The following SCG3 variants were observed in gnomAD, a reference collection of about 807,000 sequenced individuals.
The protein encoded by SCG3 is secretogranin III, also known as secretogranin-3.
In SCG3, 38 loss-of-function variants were observed where a neutral mutation model predicts 56.2. The observed-to-expected ratio is 0.68, with a 90% CI of 0.52 to 0.89. The LOEUF is 0.89. Among genes scored for constraint, SCG3 ranks in the 40% least tolerant of loss-of-function variants. SCG3 has a pLI of 0.00. For missense variants in SCG3, 524 were observed against 540.7 expected (o/e 0.97, Z 0.31); for synonymous variants, 176 against 184.2 (o/e 0.96, Z 0.36).
At chr15:51,689,175 A>T in intron 5 of SCG3, 44 bp from the exon 6 acceptor site, 1 of 1,581,882 alleles carries the variant, frequency 6.3e-7, no homozygotes, top group Non-Finnish European at 8.6e-7. Flanking sequence ...TAATAACAAG[A>T]CTGGGAATAT....
At chr15:51,706,413 A>T (rs938504842) in intron 10 of SCG3, among the ~76,000 whole-genome samples, 11 of 152,210 alleles carry the variant, frequency 7.2e-5, no homozygotes, top group Non-Finnish European at 1.5e-4. Flanking sequence ...ATGCACACAT[A>T]TCCCGCTTGT....
intron 11 of SCG3, among the ~76,000 whole-genome samples, chr15:51,716,635 G>T (rs963138700): frequency 6.6e-6 from 1 of 152,176 alleles, no homozygotes; most frequent in Non-Finnish European, 1.5e-5. Context: ...GCTTTCTCCT[G>T]TTCTCTCACT....
At chr15:51,717,548 G>A (rs76222515) in intron 11 of SCG3, among the ~76,000 whole-genome samples, 9 of 149,240 alleles carry the variant, frequency 6.0e-5, no homozygotes, top group Non-Finnish European at 7.4e-5. Context: ...AAGAAAAAAA[G>A]AAAAAAAAAG....
intron 10 of SCG3, among the ~76,000 whole-genome samples, chr15:51,708,613 T>C (rs2055390749): frequency 6.6e-6 from 1 of 152,152 alleles, no homozygotes; most frequent in South Asian, 2.1e-4. Context: ...CCCAGCACTT[T>C]GGGTGGCCGA....
intron 11 of SCG3, among the ~76,000 whole-genome samples, chr15:51,715,634 A>G (rs1023009669): frequency 1.3e-5 from 2 of 152,172 alleles, no homozygotes; most frequent in Non-Finnish European, 2.9e-5. Context: ...ACTTCTTTTA[A>G]GGTTAGCAAG....
chr15:51,699,436 A>G (rs1233142209), intron 9 of SCG3, 34 bp downstream of exon 9: 3 of 1,320,882 alleles, frequency 2.3e-6, no homozygotes, highest in Middle Eastern at 1.9e-4. Flanking sequence ...TAGCCTTTAG[A>G]ATAATAACCC....
At position 51,703,778 on chromosome 15, in the gene SCG3, T is replaced by C. The variant is rs1385814757; in HGVS notation, c.1207+2534T>C. Among the ~76,000 whole-genome samples the C allele has an allele frequency of 2.0e-5, 3 of 152,146 alleles. No individual in the cohort carries two copies. The East Asian group carries it at 5.8e-4, about 29-fold the overall frequency. The stretch of plus-strand genomic sequence containing the variant: ...ACTTTTTTGAGACAGGGCTGAAAAA[T>C]ATAATTTTTCCTTAATGTATCAAGT... On this transcript the variant is annotated intron_variant, in intron 10 of 11. Transcript: ENST00000220478.
chr15:51,689,797 T>C (rs2055255167), intron 6 of SCG3, among the ~76,000 whole-genome samples: 1 of 151,716 alleles, frequency 6.6e-6, no homozygotes, highest in South Asian at 2.1e-4. Context: ...AAAAAATTAA[T>C]TAATTAATTA....
At chr15:51,703,546 T>C (rs2055351789) in intron 10 of SCG3, among the ~76,000 whole-genome samples, 1 of 152,198 alleles carries the variant, frequency 6.6e-6, no homozygotes, top group Non-Finnish European at 1.5e-5. Flanking sequence ...TTTTAGTACA[T>C]CATCATTGCT....
In SCG3 at chr15:51,699,329, T is replaced by C; in HGVS notation, c.996T>C (p.Asp332=). ...EEGVSYLENL[D]EMIALQTKNK... ...CCTTCCTCCCTCCAGAAAACTTGGA[T>C]GAAATGATTGCTCTTCAGACCAAAA... The change falls in exon 9 of 12, where the codon GAT becomes GAC. Residue 332 remains aspartate (D), a synonymous_variant. Transcript: ENST00000220478. 1 of 1,604,072 alleles carries C rather than the reference T, an allele frequency of 6.2e-7. No homozygotes were observed. The highest frequency in any genetic ancestry group is 8.5e-7 in the Non-Finnish European group (1 of 1,177,050).
chr15:51,699,578 C>A (rs1426429802), intron 9 of SCG3, among the ~76,000 whole-genome samples, 176 bp downstream of exon 9: 1 of 152,066 alleles, frequency 6.6e-6, no homozygotes, highest in Non-Finnish European at 1.5e-5. Flanking sequence ...CCAATCACAG[C>A]ACATAAATCT....
intron 1 of SCG3, among the ~76,000 whole-genome samples, chr15:51,682,047 G>GCTTAAAGATCTTA (rs1282461112): frequency 2.6e-5 from 4 of 152,102 alleles, no homozygotes; most frequent in Non-Finnish European, 5.9e-5. Context: ...AATATGGGTT[G>GCTTAAAGATCTTA]TTTTTAAAGA....
At chr15:51,690,307 G>A (rs2055258461) in intron 6 of SCG3, among the ~76,000 whole-genome samples, 1 of 152,056 alleles carries the variant, frequency 6.6e-6, no homozygotes, top group Non-Finnish European at 1.5e-5. Flanking sequence ...CCAAGCTGTT[G>A]AGATCTTTCT....
chr15:51,683,022 T>G, intron 2 of SCG3, 57 bp from the exon 3 acceptor site: 1 of 1,379,016 alleles, frequency 7.3e-7, no homozygotes, highest in Non-Finnish European at 1.0e-6. Flanking sequence ...GCTCTTGTAC[T>G]TGGTAAGTAG....
Position 51,719,555 on chromosome 15 carries a change from A to G in SCG3, c.*29A>G. 6.8e-7 allele frequency: 1 copy of G among 1,460,466 alleles called. No homozygotes were observed. Among genetic ancestry groups the G allele is most frequent in the African/African-American group, 1.4e-5 (1 of 71,434 alleles). The allele number at this position is 1,460,466 out of a possible 1,614,324, so 90.5% of individuals were successfully genotyped here. ...TGGCAAAAGATCCAGGAGTCTTTCA[A>G]CTGTTTCAGAAAACATAATATAGCT... On this transcript the variant is annotated 3_prime_UTR_variant, in exon 12 of 12. Coordinates refer to ENST00000220478, the MANE Select transcript of SCG3 (RefSeq NM_013243.4).
chr15:51,705,558 A>G (rs1413458416), intron 10 of SCG3, among the ~76,000 whole-genome samples: 2 of 149,446 alleles, frequency 1.3e-5, no homozygotes, highest in Non-Finnish European at 3.0e-5. Context: ...GTCTCTATCT[A>G]TCTCCCAGGT....
At position 51,701,125 on chromosome 15, in the gene SCG3, A is replaced by T. The variant is rs1427522401; in HGVS notation, c.1088A>T (p.His363Leu). 4.3e-6 allele frequency: 7 copies of T among 1,613,888 alleles called. No individual in the cohort carries two copies. In the South Asian group the frequency reaches 7.7e-5, roughly 18 times the overall value. Residue 363 changes from histidine to leucine, a missense_variant, in exon 10 of 12, where the codon CAT (histidine) becomes CTT (leucine). By Grantham distance (99) the His-to-Leu change is moderately conservative. Coordinates refer to ENST00000220478, the MANE Select transcript of SCG3 (RefSeq NM_013243.4). ...ATTACAGCACCATCAGAGAAGAGTC[A>T]TGAAGAAACAGACAGTACCAAGGAA... ...KLFPAPSEKS[H>L]EETDSTKEEA...
At chr15:51,698,310 G>A (rs2055317265) in intron 8 of SCG3, among the ~76,000 whole-genome samples, 1 of 152,192 alleles carries the variant, frequency 6.6e-6, no homozygotes, top group Non-Finnish European at 1.5e-5. Flanking sequence ...AGTACAAAGA[G>A]TGTGGTTTCT....
intron 4 of SCG3, 53 bp from the exon 5 acceptor site, chr15:51,688,207 C>T: frequency 7.3e-6 from 11 of 1,514,848 alleles, no homozygotes; most frequent in Non-Finnish European, 9.9e-6. Flanking sequence ...TAATATGATG[C>T]ATGAAATAGA....
Sources: gnomAD v4.1 joint callset for allele counts (sites outside exome capture counted in the v4.1 genomes callset) on GRCh38, gnomAD v4.1.1 for gene constraint, MANE v1.5 for transcripts, NCBI Gene and HGNC (gene_info 2026-07-23, HGNC 2026-07-21) for gene names.